The following FBXL7 variants were observed in gnomAD, a reference collection of about 807,000 sequenced individuals.
FBXL7 encodes F-box/LRR-repeat protein 7.
FBXL7 carries 12 observed loss-of-function variants against 38.3 expected under a neutral mutation model. The ratio of observed to expected loss-of-function variants is 0.31; its 90% CI spans 0.20 to 0.51. The LOEUF (loss-of-function observed/expected upper bound fraction) is 0.51. Among genes scored for constraint, FBXL7 ranks in the 20% least tolerant of loss-of-function variants. The pLI, the probability that FBXL7 is intolerant of heterozygous loss-of-function variation, is 0.98. For synonymous variants in FBXL7, 297 were observed against 300.9 expected (o/e 0.99, Z 0.13); for missense variants, 567 against 676.4 (o/e 0.84, Z 1.79).
intron 2 of FBXL7, among the ~76,000 whole-genome samples, chr5:15,640,599 C>G (rs1230505585): frequency 1.3e-5 from 2 of 151,642 alleles, no homozygotes; most frequent in East Asian, 1.9e-4. Flanking sequence ...TCTGGGCTCA[C>G]TGCATCCTCC....
chr5:15,565,124 T>C (rs974831027), intron 1 of FBXL7, among the ~76,000 whole-genome samples: 4 of 152,132 alleles, frequency 2.6e-5, no homozygotes, highest in Non-Finnish European at 5.9e-5. Context: ...CTAAAATGAA[T>C]GGCAGTTGGC....
chr5:15,937,340 A>C lies in FBXL7; in HGVS notation c.*154A>C. ...TGGCCTTTATTTTTCCTCATTTCTC[A>C]TGGGCAACAGAGGCCAAAGAAACGA... is the stretch of plus-strand genomic sequence containing the variant. On this transcript the variant is annotated 3_prime_UTR_variant, in exon 4 of 4. Coordinates refer to ENST00000504595, the MANE Select transcript of FBXL7 (RefSeq NM_012304.5). The C allele has an allele frequency of 4.1e-6, 4 of 978,462 alleles. No homozygotes were observed. The highest frequency in any genetic ancestry group is 2.7e-5 in the East Asian group (1 of 37,494). 60.6% of individuals were successfully genotyped at this position (978,462 alleles called of 1,614,324 possible). A position where few individuals can be genotyped will look rare whatever the true frequency, so the allele number is the denominator to read the frequency against.
At chr5:15,666,310 A>G (rs896076100) in intron 2 of FBXL7, among the ~76,000 whole-genome samples, 1 of 152,170 alleles carries the variant, frequency 6.6e-6, no homozygotes, top group Non-Finnish European at 1.5e-5. Context: ...TGTCTTAATT[A>G]TGTTTAAGTG....
intron 2 of FBXL7, among the ~76,000 whole-genome samples, chr5:15,641,310 G>T (rs867360312): frequency 3.3e-5 from 5 of 152,106 alleles, no homozygotes; most frequent in African/African-American, 1.2e-4. Flanking sequence ...ACCCAAACAA[G>T]ATGGAGTCCT....
At chr5:15,656,644 G>C (rs1375445251) in intron 2 of FBXL7, among the ~76,000 whole-genome samples, 1 of 151,918 alleles carries the variant, frequency 6.6e-6, no homozygotes, top group Admixed American at 6.6e-5. Context: ...GATTTGGGTG[G>C]GGACGCAGAG....
rs570419303 is a variant in FBXL7, at chr5:15,565,147, T to A, written c.38-50836T>A. On this transcript the variant is annotated intron_variant, in intron 1 of 3. Coordinates refer to ENST00000504595, the MANE Select transcript of FBXL7 (RefSeq NM_012304.5). ...AATGGCAGTTGGCTGCATTTTCCTGTCTTGCTGATACAATTTTTCCATGCC... is the reference window on the plus strand; with the variant it reads ...AATGGCAGTTGGCTGCATTTTCCTGACTTGCTGATACAATTTTTCCATGCC... Among the ~76,000 whole-genome samples, 6 of 152,258 alleles carry A rather than the reference T, an allele frequency of 3.9e-5. No homozygotes were observed. In the South Asian group the frequency reaches 1.2e-3, roughly 32 times the overall value.
intron 1 of FBXL7, among the ~76,000 whole-genome samples, chr5:15,550,365 T>G (rs1180407828): frequency 1.3e-5 from 2 of 152,098 alleles, no homozygotes; most frequent in African/African-American, 4.8e-5. Flanking sequence ...ATGGTGTGAT[T>G]GGTAGCTGAG....
intron 2 of FBXL7, among the ~76,000 whole-genome samples, chr5:15,651,483 A>G (rs1167817976): frequency 6.6e-6 from 1 of 152,184 alleles, no homozygotes; most frequent in Non-Finnish European, 1.5e-5. Context: ...GCATGGAAAC[A>G]ACATTAATCT....
At chr5:15,916,998 T>G (rs1206845312) in intron 2 of FBXL7, among the ~76,000 whole-genome samples, 2 of 152,216 alleles carry the variant, frequency 1.3e-5, no homozygotes, top group Admixed American at 1.3e-4. Context: ...AGACTCTGCC[T>G]AAATACTCTG....
At position 15,783,389 on chromosome 5, in the gene FBXL7, A is replaced by C. The variant is rs1414500414; in HGVS notation, c.128-144501A>C. On this transcript the variant is annotated intron_variant, in intron 2 of 3. Coordinates refer to ENST00000504595, the MANE Select transcript of FBXL7 (RefSeq NM_012304.5). ...AGACGAGATGCCTAAGGCAGAGTGG[A>C]AAAAAGGGCTGTCGAAGGTGACATC... 8.5e-5 allele frequency among the ~76,000 whole-genome samples: 13 copies of C among 152,268 alleles called. No homozygotes were observed. The East Asian group carries it at 2.1e-3, about 25-fold the overall frequency.
intron 1 of FBXL7, among the ~76,000 whole-genome samples, chr5:15,531,429 T>C (rs1167802729): frequency 6.6e-6 from 1 of 152,230 alleles, no homozygotes; most frequent in African/African-American, 2.4e-5. Flanking sequence ...ATAGAGACTT[T>C]ATATTTACAT....
chr5:15,843,603 A>C (rs556338726), intron 2 of FBXL7, among the ~76,000 whole-genome samples: 11 of 152,324 alleles, frequency 7.2e-5, no homozygotes, highest in Admixed American at 4.6e-4. Context: ...GCTCTTCTCA[A>C]ATTGCAATAT....
intron 3 of FBXL7, among the ~76,000 whole-genome samples, chr5:15,930,578 G>T (rs1742013158): frequency 6.6e-6 from 1 of 152,136 alleles, no homozygotes; most frequent in African/African-American, 2.4e-5. Context: ...TAGTGGTCCT[G>T]CCTGGCCCCT....
chr5:15,820,342 C>T (rs1007611870), intron 2 of FBXL7, among the ~76,000 whole-genome samples: 2 of 152,102 alleles, frequency 1.3e-5, no homozygotes, highest in African/African-American at 4.8e-5. Context: ...CTGGAGGGTC[C>T]TCCCAGCACC....
chr5:15,580,440 G>C (rs1165628209), intron 1 of FBXL7, among the ~76,000 whole-genome samples: 5 of 152,152 alleles, frequency 3.3e-5, no homozygotes, highest in Admixed American at 3.3e-4. Context: ...GGCATGGCAA[G>C]GTCTAGGGGC....
intron 2 of FBXL7, among the ~76,000 whole-genome samples, chr5:15,634,608 A>T (rs1741123318): frequency 6.6e-6 from 1 of 152,074 alleles, no homozygotes; most frequent in African/African-American, 2.4e-5. Context: ...GGCGTGAGCC[A>T]CTGCGCCTGG....
At chr5:15,858,001 G>A (rs1383946859) in intron 2 of FBXL7, among the ~76,000 whole-genome samples, 2 of 152,034 alleles carry the variant, frequency 1.3e-5, no homozygotes, top group African/African-American at 2.4e-5. Flanking sequence ...TTCCAAGTTG[G>A]CACATTGGTT....
intron 2 of FBXL7, among the ~76,000 whole-genome samples, chr5:15,904,304 A>G (rs1421512421): frequency 6.6e-6 from 1 of 152,226 alleles, no homozygotes; most frequent in African/African-American, 2.4e-5. Flanking sequence ...GTAAAATGAA[A>G]CAATACAAAA....
chr5:15,528,542 C>T (rs1436119614), intron 1 of FBXL7, among the ~76,000 whole-genome samples: 1 of 152,146 alleles, frequency 6.6e-6, no homozygotes, highest in African/African-American at 2.4e-5. Context: ...TGGTGGCAGG[C>T]AAAAGAGAAT....
Sources: allele counts gnomAD v4.1 joint callset (sites outside exome capture counted in the v4.1 genomes callset), GRCh38; gene constraint gnomAD v4.1.1; transcripts MANE v1.5; gene names NCBI Gene and HGNC (gene_info 2026-07-23, HGNC 2026-07-21).